Variants in RICTOR observed in about 807,000 individuals in gnomAD.
RICTOR encodes rapamycin-insensitive companion of mTOR.
In RICTOR, 49 loss-of-function variants were observed where a neutral mutation model predicts 214.9. That is an observed-to-expected ratio of 0.23 (90% confidence interval 0.18 to 0.29). The LOEUF is 0.29. Among genes scored for constraint, RICTOR ranks in the 10% least tolerant of loss-of-function variants. The pLI is 1.00. For synonymous variants in RICTOR, 717 were observed against 711.3 expected, an observed-to-expected ratio of 1.01 and a Z score of -0.13; for missense variants, 1,625 against 2,047.0, an observed-to-expected ratio of 0.79 and a Z score of 3.98.
chr5:38,946,411 A>G, intron 33 of RICTOR, 57 bp downstream of exon 33: 1 of 1,084,414 alleles, frequency 9.2e-7, no homozygotes, highest in Non-Finnish European at 1.4e-6. Context: ...GAAAGAACTA[A>G]GAGTTTTCTT....
intron 2 of RICTOR, among the ~76,000 whole-genome samples, chr5:39,060,766 T>C (rs1758489255): frequency 5.3e-5 from 8 of 151,972 alleles, no homozygotes; most frequent in Admixed American, 4.6e-4. Flanking sequence ...CTACAATACA[T>C]AGAATACTCA....
chr5:39,047,517 CT>C (rs1375272664), intron 2 of RICTOR, among the ~76,000 whole-genome samples: 1 of 152,046 alleles, frequency 6.6e-6, no homozygotes, highest in Non-Finnish European at 1.5e-5. Flanking sequence ...GGGACCCCTG[CT>C]TTAGTTCATG....
chr5:39,055,625 C>G (rs1758156399), intron 2 of RICTOR, among the ~76,000 whole-genome samples: 1 of 151,994 alleles, frequency 6.6e-6, no homozygotes, highest in South Asian at 2.1e-4. Flanking sequence ...AAATATTTGT[C>G]TAGTGTGACA....
At position 39,042,464 on chromosome 5, in the gene RICTOR, C is replaced by A. The variant is rs146583356; in HGVS notation, c.98-21328G>T. Among the ~76,000 whole-genome samples, 291 of 152,308 alleles carry A rather than the reference C, an allele frequency of 1.9e-3. 1 individual carries two copies. Among genetic ancestry groups the A allele is most frequent in the Middle Eastern group, 0.01 (3 of 294 alleles). On this transcript the variant is annotated intron_variant, in intron 2 of 37. Coordinates refer to ENST00000357387, the MANE Select transcript of RICTOR (RefSeq NM_152756.5). ...AAATGAGGCTTAGAGACATAGTTCA[C>A]TTGCCTAAAAGTCACACTAATACCA...
At chr5:38,970,712 A>G (rs996726977) in intron 11 of RICTOR, 1 of 152,240 alleles carries the variant, frequency 6.6e-6, no homozygotes, top group Non-Finnish European at 1.5e-5. Flanking sequence ...AATCACTTTA[A>G]GAATTCTCTT....
chr5:38,958,425 A>T lies in RICTOR; in HGVS notation c.2420+18T>A. 2.6e-6 allele frequency: 4 copies of T among 1,541,658 alleles called. No individual in the cohort carries two copies. The highest frequency in any genetic ancestry group is 3.6e-6 in the Non-Finnish European group (4 of 1,114,222). ...AACACAACAAAAAAACATAACAGAA[A>T]ATTTACTTAAAATTTACCTCAGCAG... is the stretch of plus-strand genomic sequence containing the variant. On this transcript the variant is annotated intron_variant, in intron 24 of 37. Transcript: ENST00000357387.
At chr5:38,945,763 T>C in intron 33 of RICTOR, 39 bp from the exon 34 acceptor site, 1 of 1,094,238 alleles carries the variant, frequency 9.1e-7, no homozygotes, top group Non-Finnish European at 1.3e-6. Flanking sequence ...CCAATAAAGA[T>C]AATACTTTTC....
chr5:39,046,608 T>C (rs1405520965), intron 2 of RICTOR, among the ~76,000 whole-genome samples: 1 of 152,080 alleles, frequency 6.6e-6, no homozygotes, highest in African/African-American at 2.4e-5. Context: ...TCAAAACTTT[T>C]TGACTTTTCC....
Position 39,074,154 on chromosome 5 carries a change from C to T in RICTOR, c.54G>A (p.Arg18=). The T allele has an allele frequency of 6.3e-7, 1 of 1,587,838 alleles. No homozygotes were observed. Among genetic ancestry groups the T allele is most frequent in the South Asian group, 1.1e-5 (1 of 88,414 alleles). The change falls in exon 2 of 38, where the codon CGG becomes CGA. Residue 18 remains arginine (R), a synonymous_variant. Transcript: ENST00000357387. ...RSLKNLRVRG[R]NDSGEENVPL... ...GGACGTTCTCCTCGCCGCTGTCATT[C>T]CGCCCTGCGCGAAACAGACACACAG...
rs1747215164 is a variant in RICTOR at position 38,938,579 on chromosome 5, CAA to C, written c.*3723_*3724del. 4.3e-6 allele frequency: 1 copy of C among 232,596 alleles called. No homozygotes were observed. 14.4% of individuals were successfully genotyped at this position (232,596 alleles called of 1,614,324 possible). A position where few individuals can be genotyped will look rare whatever the true frequency, so the allele number is the denominator to read the frequency against. On this transcript the variant is annotated 3_prime_UTR_variant, in exon 38 of 38. Transcript: ENST00000357387. ...GTGCAGCTATCCGATACTTACATTA[CAA>C]AAATACTCCAAACAGGAAAAAAGTC...
At chr5:39,017,266 T>C (rs1175752632) in intron 3 of RICTOR, among the ~76,000 whole-genome samples, 3 of 152,142 alleles carry the variant, frequency 2.0e-5, no homozygotes, top group African/African-American at 7.2e-5. Flanking sequence ...ATTATAATTG[T>C]TTTTAACAGT....
intron 3 of RICTOR, among the ~76,000 whole-genome samples, chr5:39,010,517 G>A (rs1580090982): frequency 6.6e-6 from 1 of 152,306 alleles, no homozygotes; most frequent in East Asian, 1.9e-4. Flanking sequence ...GGGCTCAGAA[G>A]ACAGAGGAAA....
intron 3 of RICTOR, among the ~76,000 whole-genome samples, chr5:39,007,004 A>G (rs1754135741): frequency 6.6e-6 from 1 of 152,214 alleles, no homozygotes; most frequent in Non-Finnish European, 1.5e-5. Context: ...GTTTTTATAC[A>G]TACATATTTA....
chr5:39,025,714 C>T (rs1381298348), intron 2 of RICTOR, among the ~76,000 whole-genome samples: 1 of 152,154 alleles, frequency 6.6e-6, no homozygotes, highest in Non-Finnish European at 1.5e-5. Context: ...AGAGAACTCC[C>T]TGGGGTCCCT....
At chr5:38,948,060 A>G (rs1023759346) in intron 31 of RICTOR, among the ~76,000 whole-genome samples, 3 of 152,140 alleles carry the variant, frequency 2.0e-5, no homozygotes, top group Admixed American at 1.3e-4. Flanking sequence ...TAGAGATTCC[A>G]TAACAAATAT....
chr5:39,003,196 A>T (rs1753781305), intron 4 of RICTOR, among the ~76,000 whole-genome samples: 2 of 152,202 alleles, frequency 1.3e-5, no homozygotes, highest in African/African-American at 4.8e-5. Flanking sequence ...GTGCATGGGC[A>T]AATCAAGTCT....
rs1021279917 is a variant in RICTOR, at chr5:38,949,531, G to A, written c.4136+181C>T. The A allele has an allele frequency of 9.9e-6, 11 of 1,115,298 alleles. No homozygotes were observed. In the Admixed American group the frequency reaches 1.0e-4, roughly 11 times the overall value. 69.1% of individuals were successfully genotyped at this position (1,115,298 alleles called of 1,614,324 possible). On this transcript the variant is annotated intron_variant, in intron 31 of 37. Coordinates refer to ENST00000357387, the MANE Select transcript of RICTOR (RefSeq NM_152756.5). ...GCCTATAGGATTTTCTTCCCCCCTC[G>A]CAGCTGCAAGAATCCATTTCAAGTC... is the stretch of plus-strand genomic sequence containing the variant.
chr5:38,980,441 G>A (rs1460336294), intron 8 of RICTOR, among the ~76,000 whole-genome samples: 1 of 152,062 alleles, frequency 6.6e-6, no homozygotes, highest in East Asian at 1.9e-4. Flanking sequence ...GTTAAATTGA[G>A]GCTACAATGC....
chr5:39,047,416 G>A (rs1757568651), intron 2 of RICTOR, among the ~76,000 whole-genome samples: 1 of 152,140 alleles, frequency 6.6e-6, no homozygotes, highest in African/African-American at 2.4e-5. Context: ...AGAGCAGGTG[G>A]TAATGTATGC....
Sources: allele counts gnomAD v4.1 joint callset (sites outside exome capture counted in the v4.1 genomes callset), GRCh38; gene constraint gnomAD v4.1.1; transcripts MANE v1.5; gene names NCBI Gene and HGNC (gene_info 2026-07-23, HGNC 2026-07-21).